RTN1: variants seen among roughly 807,000 people sequenced by gnomAD.
The protein encoded by RTN1 is reticulon 1, also known as reticulon-1.
Under a neutral mutation model 65.5 loss-of-function variants are expected in RTN1, and 25 were observed. The ratio of observed to expected loss-of-function variants is 0.38; its 90% CI spans 0.28 to 0.53. The LOEUF (loss-of-function observed/expected upper bound fraction) is 0.53, where lower values mean the gene tolerates loss of function less well. RTN1 is among the 20% of genes least tolerant of loss of function. The probability of loss-of-function intolerance (pLI) is 0.79; values close to 1 mark genes in which losing one functional copy is unlikely to be tolerated. For missense variants in RTN1, 983 were observed against 1,025.4 expected (o/e 0.96, Z 0.57); for synonymous variants, 471 against 447.6 (o/e 1.05, Z -0.66).
Position 59,624,999 on chromosome 14 carries a change from A to G in RTN1, c.1766-17507T>C, listed in dbSNP as rs897618630. 2.6e-5 allele frequency among the ~76,000 whole-genome samples: 4 copies of G among 152,232 alleles called. No individual in the cohort carries two copies. The South Asian group carries it at 8.3e-4, about 32-fold the overall frequency. On this transcript the variant is annotated intron_variant, in intron 3 of 8. Transcript: ENST00000267484. ...TTATAAGGTAACTTAAAATATACCA[A>G]TTACTTCACATTCTGTTCCAGAACA...
Position 59,836,403 on chromosome 14 carries a change from G to A in RTN1, c.241+33987C>T, listed in dbSNP as rs1887213552. On this transcript the variant is annotated intron_variant, in intron 1 of 8. Transcript: ENST00000267484. The surrounding 1 kb of genome is among the most constrained non-coding windows in gnomAD (Gnocchi z 4.9). The stretch of plus-strand genomic sequence containing the variant: ...CCATTATAGAGATGAGGACTCTCAG[G>A]CACAGAGAGATTAAGGAACTCCCCA... 6.6e-6 allele frequency among the ~76,000 whole-genome samples: 1 copy of A among 152,162 alleles called. No homozygotes were observed. The highest frequency in any genetic ancestry group is 2.4e-5 in the African/African-American group (1 of 41,424).
At position 59,868,248 on chromosome 14, in the gene RTN1, T is replaced by A. The variant is rs2139682772; in HGVS notation, c.241+2142A>T. Among the ~76,000 whole-genome samples the A allele has an allele frequency of 6.6e-6, 1 of 152,276 alleles. No homozygotes were observed. The highest frequency in any genetic ancestry group is 1.9e-4 in the East Asian group (1 of 5,184). ...CACAGAGATTTAAGACATTAACCAA[T>A]CAACAACTATATCAGAAATTCCTTC... On this transcript the variant is annotated intron_variant, in intron 1 of 8. Transcript: ENST00000267484. The surrounding 1 kb of genome is among the most constrained non-coding windows in gnomAD (Gnocchi z 4.0).
At chr14:59,651,308 T>C (rs1166177060) in intron 3 of RTN1, among the ~76,000 whole-genome samples, 11 of 152,118 alleles carry the variant, frequency 7.2e-5, no homozygotes, top group Admixed American at 1.3e-4. Flanking sequence ...ATTCAATAAA[T>C]AGTGCTGGAA....
At chr14:59,618,002 G>C (rs570882870) in intron 3 of RTN1, among the ~76,000 whole-genome samples, 3 of 152,140 alleles carry the variant, frequency 2.0e-5, no homozygotes, top group African/African-American at 7.2e-5. Context: ...GACTGAAACG[G>C]CCTTTGCAAA....
At chr14:59,603,950 C>T in intron 5 of RTN1, 29 bp from the exon 6 acceptor site, 1 of 1,587,258 alleles carries the variant, frequency 6.3e-7, no homozygotes, top group Non-Finnish European at 8.6e-7. Context: ...ATTAGAGCTC[C>T]TAAAACCCTT....
intron 1 of RTN1, among the ~76,000 whole-genome samples, chr14:59,799,005 T>A (rs1271951493): frequency 6.6e-6 from 1 of 152,180 alleles, no homozygotes; most frequent in East Asian, 1.9e-4. Flanking sequence ...TTTCAAGCAA[T>A]CATGTCTGAA....
Position 59,596,581 on chromosome 14 carries a change from G to T in RTN1, c.*164C>A. ...GACACAAGTGACTCAAATATCCTAA[G>T]AGTACAAGGAACAGCCTAAAAACAG... On this transcript the variant is annotated 3_prime_UTR_variant, in exon 9 of 9. Transcript: ENST00000267484. 1.7e-6 allele frequency: 1 copy of T among 598,854 alleles called. No homozygotes were observed. Among genetic ancestry groups the T allele is most frequent in the South Asian group, 2.3e-5 (1 of 43,792 alleles). The allele number at this position is 598,854 out of a possible 1,614,324, so 37.1% of individuals were successfully genotyped here. A position where few individuals can be genotyped will look rare whatever the true frequency, so the allele number is the denominator to read the frequency against.
intron 3 of RTN1, among the ~76,000 whole-genome samples, chr14:59,644,055 T>C (rs1245565497): frequency 1.3e-5 from 2 of 152,136 alleles, no homozygotes; most frequent in African/African-American, 2.4e-5. Flanking sequence ...GAAGTACTGA[T>C]AAAGACACAG....
intron 1 of RTN1, among the ~76,000 whole-genome samples, chr14:59,772,799 A>G (rs370357245): frequency 1.2e-4 from 16 of 130,422 alleles, no homozygotes; most frequent in Middle Eastern, 4.1e-3. Context: ...TGACTAGTCA[A>G]AAAAGGACTG....
intron 3 of RTN1, among the ~76,000 whole-genome samples, chr14:59,608,915 T>TA (rs138360256): frequency 0.018 from 2,713 of 150,814 alleles, 63 homozygotes; most frequent in African/African-American, 0.053. Context: ...AAATAAAAAA[T>TA]AAAAAAAAAG....
chr14:59,607,506 C>G lies in RTN1; in HGVS notation c.1766-14G>C, dbSNP rs1881799054. ...ACAGGTCAATAGCTGCAGGAGACACCAAACACACCCAGCTGAGCTCCCGCA... is the reference window on the plus strand; with the variant it reads ...ACAGGTCAATAGCTGCAGGAGACACGAAACACACCCAGCTGAGCTCCCGCA... On this transcript the variant is annotated splice_polypyrimidine_tract_variant and intron_variant, in intron 3 of 8. Coordinates refer to ENST00000267484, the MANE Select transcript of RTN1 (RefSeq NM_021136.3). 1 of 1,588,460 alleles carries G rather than the reference C, an allele frequency of 6.3e-7. No homozygotes were observed. Among genetic ancestry groups the G allele is most frequent in the Non-Finnish European group, 8.6e-7 (1 of 1,166,908 alleles).
intron 1 of RTN1, among the ~76,000 whole-genome samples, chr14:59,795,790 T>G (rs1270403148): frequency 3.9e-5 from 6 of 152,210 alleles, no homozygotes; most frequent in Non-Finnish European, 7.4e-5. Flanking sequence ...ATGTAATTGT[T>G]GCTGATTAAT....
At chr14:59,630,634 C>A in intron 3 of RTN1, 1 of 1,374,306 alleles carries the variant, frequency 7.3e-7, no homozygotes, top group South Asian at 1.8e-5. Flanking sequence ...GAGGCTGCAC[C>A]AGGCGGCGCG....
intron 3 of RTN1, among the ~76,000 whole-genome samples, chr14:59,666,772 T>C (rs1039935719): frequency 3.3e-5 from 5 of 151,634 alleles, no homozygotes; most frequent in African/African-American, 1.2e-4. Context: ...TCACCACCAA[T>C]CCCACAGAAA....
intron 1 of RTN1, among the ~76,000 whole-genome samples, chr14:59,804,474 T>C (rs1050627356): frequency 9.8e-5 from 15 of 152,316 alleles, no homozygotes; most frequent in African/African-American, 3.4e-4. Flanking sequence ...TAAATCTATA[T>C]TCATATTTGA....
intron 3 of RTN1, among the ~76,000 whole-genome samples, chr14:59,678,005 C>T (rs1447501081): frequency 6.6e-6 from 1 of 152,170 alleles, no homozygotes; most frequent in African/African-American, 2.4e-5. Context: ...CATCTAAATG[C>T]TATTCTAGGC....
At chr14:59,700,257 C>T (rs1218100280) in intron 3 of RTN1, among the ~76,000 whole-genome samples, 1 of 152,026 alleles carries the variant, frequency 6.6e-6, no homozygotes, top group Non-Finnish European at 1.5e-5. Context: ...GAAAAGATTT[C>T]TTATGTTCAT....
chr14:59,620,301 T>A (rs1882220891), intron 3 of RTN1, among the ~76,000 whole-genome samples: 1 of 151,960 alleles, frequency 6.6e-6, no homozygotes, highest in African/African-American at 2.4e-5. Context: ...AGTCAAGAGG[T>A]TCCTGAGACT....
chr14:59,658,421 C>T (rs1037217785), intron 3 of RTN1, among the ~76,000 whole-genome samples: 4 of 152,208 alleles, frequency 2.6e-5, no homozygotes, highest in African/African-American at 4.8e-5. Flanking sequence ...GGGTCCCTGA[C>T]CCCTGTGTCT....
Sources: allele counts gnomAD v4.1 joint callset (sites outside exome capture counted in the v4.1 genomes callset), GRCh38; gene constraint gnomAD v4.1.1; non-coding constraint Gnocchi (gnomAD v3.1); transcripts MANE v1.5; gene names NCBI Gene and HGNC (gene_info 2026-07-23, HGNC 2026-07-21).